The following ALDH9A1 variants were observed in gnomAD, a reference collection of about 807,000 sequenced individuals.
ALDH9A1 encodes the protein aldehyde dehydrogenase 9 family member A1.
ALDH9A1 carries 42 observed loss-of-function variants against 56.6 expected under a neutral mutation model. The observed-to-expected ratio is 0.74, with a 90% CI of 0.58 to 0.96. The LOEUF (loss-of-function observed/expected upper bound fraction) is 0.96, where lower values mean the gene tolerates loss of function less well. Among genes scored for constraint, ALDH9A1 ranks in the 40% least tolerant of loss-of-function variants. ALDH9A1 has a pLI of 0.00. For missense variants in ALDH9A1, 661 were observed against 651.5 expected (o/e 1.01, Z -0.16); for synonymous variants, 242 against 236.0 (o/e 1.03, Z -0.23).
intron 6 of ALDH9A1, among the ~76,000 whole-genome samples, chr1:165,673,308 T>G (rs891505629): frequency 7.9e-5 from 12 of 152,192 alleles, no homozygotes; most frequent in African/African-American, 2.9e-4. Context: ...TAACAAGTGT[T>G]GGTGAGGATG....
At chr1:165,676,442 C>T (rs774184045) in intron 6 of ALDH9A1, 15 of 232,566 alleles carry the variant, frequency 6.4e-5, no homozygotes, top group Non-Finnish European at 1.1e-4. Context: ...ATCAAGCGAA[C>T]GGGTACTATT....
At chr1:165,666,887 T>C (rs1405389736) in intron 9 of ALDH9A1, among the ~76,000 whole-genome samples, 3 of 152,148 alleles carry the variant, frequency 2.0e-5, no homozygotes, top group Non-Finnish European at 4.4e-5. Context: ...ATATCCCAAA[T>C]ATCCAACCAC....
Position 165,695,290 on chromosome 1 carries a change from G to C in ALDH9A1, c.289C>G (p.Arg97Gly). 1 of 1,612,022 alleles carries C rather than the reference G, an allele frequency of 6.2e-7. No homozygotes were observed. The highest frequency in any genetic ancestry group is 8.5e-7 in the Non-Finnish European group (1 of 1,179,192). ...GCAGCCTCCAAAAGGATTCGGCAAC[G>C]CTCCATGCCAGATTTTTGACTCCAT... ...KIWSQKSGME[R>G]CRILLEAARI... Residue 97 changes from arginine (R) to glycine (G), a missense_variant, in exon 2 of 11, where the codon CGT becomes GGT. Physicochemically the swap from Arg to Gly is moderately radical, Grantham distance 125. Transcript: ENST00000354775.
chr1:165,682,354 C>T, intron 3 of ALDH9A1, 113 bp from the exon 4 acceptor site: 2 of 1,161,344 alleles, frequency 1.7e-6, no homozygotes, highest in South Asian at 1.5e-5. Flanking sequence ...CCACTTCTCC[C>T]AATACACCAG....
intron 6 of ALDH9A1, 100 bp downstream of exon 6, chr1:165,679,342 T>C: frequency 7.3e-7 from 1 of 1,370,280 alleles, no homozygotes; most frequent in Non-Finnish European, 9.9e-7. Context: ...GCAACTTTTC[T>C]GTAAGTCTGA....
chr1:165,698,045 A>G (rs1411778884), intron 1 of ALDH9A1, among the ~76,000 whole-genome samples: 2 of 147,816 alleles, frequency 1.4e-5, no homozygotes, highest in South Asian at 2.1e-4. Flanking sequence ...CAAACAAAAA[A>G]CAAACAAACA....
At position 165,688,314 on chromosome 1, in the gene ALDH9A1, C is replaced by T. The variant is rs150669843; in HGVS notation, c.328-5204G>A. Among the ~76,000 whole-genome samples the T allele has an allele frequency of 5.8e-3, 881 of 152,140 alleles. 5 individuals carry two copies. The highest frequency in any genetic ancestry group is 8.2e-3 in the Admixed American group (126 of 15,290). ...CTGGGGAGACAGAGCGAGACCTTGT[C>T]TCAAAAAACAAAACAAAACAGAAAA... On this transcript the variant is annotated intron_variant, in intron 2 of 10. Coordinates refer to ENST00000354775, the MANE Select transcript of ALDH9A1 (RefSeq NM_000696.4).
At chr1:165,685,295 C>T (rs1649672763) in intron 2 of ALDH9A1, among the ~76,000 whole-genome samples, 2 of 152,248 alleles carry the variant, frequency 1.3e-5, no homozygotes, top group Admixed American at 6.5e-5. Context: ...CACTTCGAAC[C>T]CCTCAGCAGG....
intron 2 of ALDH9A1, among the ~76,000 whole-genome samples, chr1:165,685,176 C>T (rs1330663356): frequency 6.6e-6 from 1 of 152,104 alleles, no homozygotes; most frequent in East Asian, 1.9e-4. Flanking sequence ...ATGTGTTGTT[C>T]CCAACCCTGT....
At chr1:165,695,487 CTTTT>C in intron 1 of ALDH9A1, 90 bp from the exon 2 acceptor site, 769 of 336,962 alleles carry the variant, frequency 2.3e-3, no homozygotes, top group Non-Finnish European at 2.8e-3. Context: ...TAGTAGTAGT[CTTTT>C]TTTTTTTTTT....
intron 9 of ALDH9A1, 115 bp from the exon 10 acceptor site, chr1:165,665,245 T>C: frequency 1.2e-6 from 1 of 811,034 alleles, no homozygotes; most frequent in Non-Finnish European, 1.9e-6. Flanking sequence ...TTCTCATTTC[T>C]TCAAAATGTT....
chr1:165,680,528 C>T lies in ALDH9A1; in HGVS notation c.748G>A (p.Ala250Thr), dbSNP rs769719769. The T allele has an allele frequency of 3.1e-6, 5 of 1,614,192 alleles. No homozygotes were observed. The highest frequency in any genetic ancestry group is 4.2e-6 in the Non-Finnish European group (5 of 1,180,024). The change falls in exon 5 of 11, where the codon GCC becomes ACC. Residue 250 changes from alanine to threonine, a missense_variant. Transcript: ENST00000354775. ...ACACTTCCAGTGAAGGAGACTTTGGCCACATCGGGATGCTGACACAGAAAC... is the reference window on the plus strand; with the variant it reads ...ACACTTCCAGTGAAGGAGACTTTGGTCACATCGGGATGCTGACACAGAAAC... ...GQFLCQHPDV[A>T]KVSFTGSVPT...
chr1:165,696,953 T>C (rs1299251414), intron 1 of ALDH9A1, among the ~76,000 whole-genome samples: 1 of 152,234 alleles, frequency 6.6e-6, no homozygotes, highest in Non-Finnish European at 1.5e-5. Flanking sequence ...CTTCTGGCTC[T>C]GCCAAGTCAC....
intron 2 of ALDH9A1, among the ~76,000 whole-genome samples, chr1:165,685,042 G>T (rs552156875): frequency 1.2e-4 from 18 of 152,266 alleles, no homozygotes; most frequent in Middle Eastern, 6.8e-3. Context: ...TTCTGATATA[G>T]TACGTAAGGA....
intron 8 of ALDH9A1, among the ~76,000 whole-genome samples, chr1:165,667,715 G>A (rs751961611): frequency 6.6e-6 from 1 of 152,068 alleles, no homozygotes; most frequent in Non-Finnish European, 1.5e-5. Flanking sequence ...TAATTCATGG[G>A]GGATGGACAT....
intron 2 of ALDH9A1, among the ~76,000 whole-genome samples, chr1:165,684,958 A>C (rs1196769338): frequency 3.3e-5 from 5 of 151,592 alleles, no homozygotes; most frequent in Non-Finnish European, 7.4e-5. Context: ...GGCCTTGGGA[A>C]ATTTTTTCTG....
intron 1 of ALDH9A1, 85 bp downstream of exon 1, chr1:165,698,293 G>T: frequency 3.3e-6 from 5 of 1,511,672 alleles, no homozygotes; most frequent in Non-Finnish European, 4.4e-6. Flanking sequence ...AGTCAACGCT[G>T]CAGAACACAG....
At chr1:165,673,294 A>G (rs969312932) in intron 6 of ALDH9A1, among the ~76,000 whole-genome samples, 18 of 152,332 alleles carry the variant, frequency 1.2e-4, no homozygotes, top group African/African-American at 4.3e-4. Context: ...AAAAAGATAA[A>G]AGATAACAAG....
intron 2 of ALDH9A1, among the ~76,000 whole-genome samples, chr1:165,686,601 C>T (rs1009878919): frequency 6.6e-6 from 1 of 151,594 alleles, no homozygotes; most frequent in African/African-American, 2.4e-5. Flanking sequence ...TCATTAACAC[C>T]CGGATCACAG....
Sources: gnomAD v4.1 joint callset for allele counts (sites outside exome capture counted in the v4.1 genomes callset) on GRCh38, gnomAD v4.1.1 for gene constraint, MANE v1.5 for transcripts, NCBI Gene and HGNC (gene_info 2026-07-23, HGNC 2026-07-21) for gene names.